The following RBFOX1 variants were observed in gnomAD, a reference collection of about 807,000 sequenced individuals.
The protein encoded by RBFOX1 is RNA binding protein fox-1 homolog 1.
A neutral mutation model predicts 57.7 loss-of-function variants in RBFOX1; 8 were observed. The ratio of observed to expected loss-of-function variants is 0.14; its 90% CI spans 0.08 to 0.25. The LOEUF is 0.25. RBFOX1 is among the 10% of genes least tolerant of loss of function. The pLI, the probability that RBFOX1 is intolerant of heterozygous loss-of-function variation, is 1.00. For synonymous variants in RBFOX1, 326 were observed against 222.4 expected, an observed-to-expected ratio of 1.47 and a Z score of -4.15; for missense variants, 611 against 548.5, an observed-to-expected ratio of 1.11 and a Z score of -1.14.
At chr16:6,241,904 A>G (rs142692794) in intron 1 of RBFOX1, among the ~76,000 whole-genome samples, 96 of 152,342 alleles carry the variant, frequency 6.3e-4, no homozygotes, top group African/African-American at 2.3e-3. Context: ...AGGAATGGAA[A>G]TTCTGCTTAG....
chr16:6,220,608 G>T (rs1051337393), intron 1 of RBFOX1, among the ~76,000 whole-genome samples: 1 of 152,122 alleles, frequency 6.6e-6, no homozygotes, highest in Non-Finnish European at 1.5e-5. Context: ...TTTTATTGTA[G>T]CCATAAACTA....
intron 2 of RBFOX1, among the ~76,000 whole-genome samples, chr16:6,469,584 G>A (rs1023481212): frequency 3.9e-5 from 6 of 152,202 alleles, no homozygotes; most frequent in Non-Finnish European, 8.8e-5. Flanking sequence ...AAGAACAAAT[G>A]CATGTTCACA....
At chr16:6,365,010 C>T (rs1478206774) in intron 2 of RBFOX1, among the ~76,000 whole-genome samples, 1 of 152,106 alleles carries the variant, frequency 6.6e-6, no homozygotes, top group African/African-American at 2.4e-5. Flanking sequence ...GAGGGTACCT[C>T]CTTCACTTGT....
chr16:7,522,927 T>C (rs918166469), intron 5 of RBFOX1, among the ~76,000 whole-genome samples: 1 of 152,224 alleles, frequency 6.6e-6, no homozygotes, highest in African/African-American at 2.4e-5. Flanking sequence ...CCATTACTGC[T>C]ATCCAGATAA....
At chr16:5,657,767 C>G (rs560335915) in intron 3 of RBFOX1, among the ~76,000 whole-genome samples, 1 of 122,362 alleles carries the variant, frequency 8.2e-6, no homozygotes, top group East Asian at 2.5e-4. Flanking sequence ...GAATCTCACT[C>G]TGTCACCCAG....
rs2084050305 is a variant in RBFOX1 at position 7,711,877 on chromosome 16, T to C, written c.*1132T>C. 1 of 152,630 alleles carries C rather than the reference T, an allele frequency of 6.6e-6. No homozygotes were observed. Among genetic ancestry groups the C allele is most frequent in the Non-Finnish European group, 1.5e-5 (1 of 68,036 alleles). The allele number at this position is 152,630 out of a possible 1,614,324, so 9.5% of individuals were successfully genotyped here. ...GGTATTTTCATCAGCTTGGTACTTT[T>C]TGAAACGTGACTGCGTTGTGTGAAC... On this transcript the variant is annotated 3_prime_UTR_variant, in exon 16 of 16. Coordinates refer to ENST00000550418, the MANE Select transcript of RBFOX1 (RefSeq NM_018723.4).
chr16:6,551,341 G>A (rs993453832), intron 2 of RBFOX1, among the ~76,000 whole-genome samples: 5 of 152,052 alleles, frequency 3.3e-5, no homozygotes, highest in Admixed American at 1.3e-4. Context: ...TATTACCAGC[G>A]GCATCTCAGA....
intron 4 of RBFOX1, among the ~76,000 whole-genome samples, chr16:7,057,438 A>G (rs558605407): frequency 4.6e-4 from 70 of 152,258 alleles, no homozygotes; most frequent in Admixed American, 1.2e-3. Flanking sequence ...TTTTCTTTTG[A>G]TAAAGACTCC....
intron 10 of RBFOX1, among the ~76,000 whole-genome samples, chr16:7,610,369 G>T (rs2057243080): frequency 6.6e-6 from 1 of 151,140 alleles, no homozygotes; most frequent in Non-Finnish European, 1.5e-5. Flanking sequence ...GATGCGCCCA[G>T]CCTGTTTATT....
intron 1 of RBFOX1, among the ~76,000 whole-genome samples, chr16:5,401,016 G>T (rs1327486729): frequency 6.6e-6 from 1 of 152,052 alleles, no homozygotes; most frequent in Non-Finnish European, 1.5e-5. Flanking sequence ...ATTTTCCAGG[G>T]TTGTCATTTG....
intron 3 of RBFOX1, among the ~76,000 whole-genome samples, chr16:7,034,678 G>A (rs78907356): frequency 0.022 from 3,368 of 151,786 alleles, 132 homozygotes; most frequent in African/African-American, 0.077. Context: ...TTGGGGAGCA[G>A]AACAGGAGAC....
chr16:7,095,681 T>C (rs1024113816), intron 4 of RBFOX1, among the ~76,000 whole-genome samples: 1 of 152,172 alleles, frequency 6.6e-6, no homozygotes, highest in Non-Finnish European at 1.5e-5. Flanking sequence ...AAGGTCTTGG[T>C]TGATCACTCG....
At chr16:7,270,495 A>G (rs8047052) in intron 4 of RBFOX1, among the ~76,000 whole-genome samples, 44,953 of 152,014 alleles carry the variant, frequency 0.3, 6,840 homozygotes, top group South Asian at 0.36. Flanking sequence ...ACACCTAACA[A>G]TGATAAGGGA....
At chr16:6,232,578 G>C (rs1016302088) in intron 1 of RBFOX1, among the ~76,000 whole-genome samples, 1 of 152,158 alleles carries the variant, frequency 6.6e-6, no homozygotes, top group Non-Finnish European at 1.5e-5. Context: ...TTGCCTTGGA[G>C]ATTGACTTTC....
In RBFOX1 at chr16:5,312,180, A is replaced by C. The variant is rs151088806; in HGVS notation, c.219+72075A>C. Among the ~76,000 whole-genome samples the C allele has an allele frequency of 2.0e-5, 3 of 152,330 alleles. No homozygotes were observed. In the South Asian group the frequency reaches 6.2e-4, roughly 32 times the overall value. Reference sequence around the variant, plus strand: ...TGTTTGGGACACTCTGGTCATATATAGGCCATTGTTGTGAGTGAAGCTTAC... The same window carrying C: ...TGTTTGGGACACTCTGGTCATATATCGGCCATTGTTGTGAGTGAAGCTTAC... On this transcript the variant is annotated intron_variant, in intron 1 of 2. Coordinates refer to the RBFOX1 transcript ENST00000585867.
At chr16:6,507,891 C>T (rs1598474258) in intron 2 of RBFOX1, among the ~76,000 whole-genome samples, 2 of 152,164 alleles carry the variant, frequency 1.3e-5, no homozygotes. Flanking sequence ...AAGAGTTCTA[C>T]AGATGTATTG....
chr16:6,788,892 C>G (rs955966058), intron 3 of RBFOX1, among the ~76,000 whole-genome samples: 2 of 152,140 alleles, frequency 1.3e-5, no homozygotes, highest in East Asian at 1.9e-4. Context: ...GTAGCTAACT[C>G]TCTGCTCTAA....
chr16:5,992,376 T>C (rs1291793020), intron 4 of RBFOX1, among the ~76,000 whole-genome samples: 1 of 152,228 alleles, frequency 6.6e-6, no homozygotes, highest in East Asian at 1.9e-4. Flanking sequence ...TTTTATCTAT[T>C]CATTAAAGCG....
At chr16:5,641,188 A>ACAT (rs1396698596) in intron 3 of RBFOX1, among the ~76,000 whole-genome samples, 6 of 152,134 alleles carry the variant, frequency 3.9e-5, no homozygotes, top group Non-Finnish European at 7.4e-5. Context: ...GGATACACAC[A>ACAT]GGCACACACA....
Sources: allele counts gnomAD v4.1 joint callset (sites outside exome capture counted in the v4.1 genomes callset), GRCh38; gene constraint gnomAD v4.1.1; transcripts MANE v1.5; gene names NCBI Gene and HGNC (gene_info 2026-07-23, HGNC 2026-07-21).